The following FXR1 variants were observed in gnomAD, a reference collection of about 807,000 sequenced individuals.
FXR1 encodes FMR1 autosomal homolog 1.
In FXR1, 15 loss-of-function variants were observed where a neutral mutation model predicts 84.0. The observed-to-expected ratio is 0.18, with a 90% CI of 0.12 to 0.27. The LOEUF (loss-of-function observed/expected upper bound fraction) is 0.27, where lower values mean the gene tolerates loss of function less well. FXR1 is among the 10% of genes least tolerant of loss of function. The pLI is 1.00. For synonymous variants in FXR1, 245 were observed against 250.7 expected (o/e 0.98, Z 0.21); for missense variants, 480 against 774.4 (o/e 0.62, Z 4.51).
intron 1 of FXR1, among the ~76,000 whole-genome samples, chr3:180,928,458 C>T (rs1193213426): frequency 6.9e-6 from 1 of 145,092 alleles, no homozygotes; most frequent in East Asian, 2.1e-4. Flanking sequence ...CACATACACA[C>T]TGTTAATATT....
At chr3:180,959,069 G>T (rs753991725) in intron 10 of FXR1, among the ~76,000 whole-genome samples, 2 of 151,836 alleles carry the variant, frequency 1.3e-5, no homozygotes, top group African/African-American at 2.4e-5. Context: ...ACCTCCCAAA[G>T]TGCTGGGATT....
At position 180,982,197 on chromosome 3, in the gene FXR1, C is replaced by G. The variant is rs997829604; in HGVS notation, c.*5905C>G. Reference sequence around the variant, plus strand: ...TAAAATGTACATCATAATAACTAGTCTACTGAGATAAGGGAAGAATACTTA... The same window carrying G: ...TAAAATGTACATCATAATAACTAGTGTACTGAGATAAGGGAAGAATACTTA... On this transcript the variant is annotated 3_prime_UTR_variant, in exon 17 of 17. Coordinates refer to ENST00000357559, the MANE Select transcript of FXR1 (RefSeq NM_005087.4). The G allele has an allele frequency of 1.3e-5, 2 of 152,038 alleles. No individual in the cohort carries two copies. The highest frequency in any genetic ancestry group is 2.9e-5 in the Non-Finnish European group (2 of 67,942). 9.4% of individuals were successfully genotyped at this position (152,038 alleles called of 1,614,324 possible).
At chr3:180,948,180 A>G (rs2108465075) in intron 4 of FXR1, 167 bp from the exon 5 acceptor site, 3 of 630,378 alleles carry the variant, frequency 4.8e-6, no homozygotes, top group East Asian at 2.7e-5. Flanking sequence ...GTAAGAACCT[A>G]TAATCTAGTT....
intron 9 of FXR1, among the ~76,000 whole-genome samples, chr3:180,956,650 G>A (rs1262372397): frequency 6.6e-6 from 1 of 152,004 alleles, no homozygotes; most frequent in Non-Finnish European, 1.5e-5. Flanking sequence ...CTGCTGCTAG[G>A]GCTGCTCAGA....
At chr3:180,930,247 G>C (rs530013682) in intron 1 of FXR1, among the ~76,000 whole-genome samples, 30 of 151,880 alleles carry the variant, frequency 2.0e-4, no homozygotes, top group African/African-American at 6.8e-4. Flanking sequence ...TGGCAACAGA[G>C]TGAGACTCCA....
At chr3:180,915,030 A>T in intron 1 of FXR1, 1 of 525,248 alleles carries the variant, frequency 1.9e-6, no homozygotes, top group Non-Finnish European at 2.4e-6. Context: ...CTAACAATGG[A>T]CCCCTGAACA....
intron 1 of FXR1, among the ~76,000 whole-genome samples, chr3:180,926,460 A>C (rs568630723): frequency 2.1e-5 from 3 of 143,286 alleles, no homozygotes; most frequent in South Asian, 4.4e-4. Flanking sequence ...CCTAATCTCT[A>C]TTTAGGGGGA....
At chr3:180,924,426 A>G (rs1718934142) in intron 1 of FXR1, among the ~76,000 whole-genome samples, 1 of 152,244 alleles carries the variant, frequency 6.6e-6, no homozygotes, top group Admixed American at 6.5e-5. Context: ...GTTAAAAAAG[A>G]TTGTTTGCTG....
chr3:180,917,819 C>T (rs1036863304), intron 1 of FXR1, among the ~76,000 whole-genome samples: 12 of 151,738 alleles, frequency 7.9e-5, no homozygotes, highest in African/African-American at 2.7e-4. Context: ...TGGTGGCACG[C>T]GCCTGTAGTC....
At chr3:180,964,700 T>A (rs868487995) in intron 13 of FXR1, among the ~76,000 whole-genome samples, 22 of 139,804 alleles carry the variant, frequency 1.6e-4, no homozygotes, top group Admixed American at 5.0e-4. Context: ...TATATATATA[T>A]AATGAGTACT....
chr3:180,970,924 A>T (rs556946767), intron 15 of FXR1, among the ~76,000 whole-genome samples: 4 of 152,316 alleles, frequency 2.6e-5, no homozygotes, highest in African/African-American at 9.6e-5. Context: ...AGCTACAAAA[A>T]TGTATTTCCT....
At chr3:180,927,852 C>A in intron 1 of FXR1, 1 of 402,112 alleles carries the variant, frequency 2.5e-6, no homozygotes, top group East Asian at 3.7e-5. Context: ...GATACCTTTT[C>A]CATCAGCTTG....
At chr3:180,942,945 T>C (rs1477159637) in intron 3 of FXR1, among the ~76,000 whole-genome samples, 1 of 152,154 alleles carries the variant, frequency 6.6e-6, no homozygotes, top group African/African-American at 2.4e-5. Context: ...ATTTGATCCA[T>C]AGCACTGTAA....
rs1032535947 is a variant in FXR1, at chr3:180,968,210, G to A, written c.1358G>A (p.Arg453Gln). The A allele has an allele frequency of 1.2e-5, 19 of 1,613,646 alleles. No individual in the cohort carries two copies. The highest frequency in any genetic ancestry group is 1.0e-4 in the Admixed American group (6 of 59,998). Reference sequence around the variant, plus strand: ...AGAGGCAGAAGTGTTTCAGGGGGTCGAGGTCGTGGTGGACCACGTGGTGGC... The same window carrying A: ...AGAGGCAGAAGTGTTTCAGGGGGTCAAGGTCGTGGTGGACCACGTGGTGGC... Reference protein sequence around the residue: ...GGRGRSVSGGRGRGGPRGGKS... With the variant: ...GGRGRSVSGGQGRGGPRGGKS... The change falls in exon 14 of 17, where the codon CGA becomes CAA. Residue 453 changes from arginine (R) to glutamine (Q), a missense_variant. Physicochemically the swap from Arg to Gln is conservative, Grantham distance 43. This residue lies in a region of FXR1 where 157 missense variants were observed against 227.8 expected (regional missense o/e 0.69). Transcript: ENST00000357559.
intron 3 of FXR1, among the ~76,000 whole-genome samples, chr3:180,942,602 C>T (rs1474048936): frequency 2.0e-5 from 3 of 152,030 alleles, no homozygotes; most frequent in Non-Finnish European, 2.9e-5. Context: ...TTATTTCATC[C>T]TGTACTCCAT....
intron 11 of FXR1, among the ~76,000 whole-genome samples, chr3:180,962,066 A>G (rs1933398566): frequency 6.6e-6 from 1 of 152,208 alleles, no homozygotes; most frequent in Non-Finnish European, 1.5e-5. Context: ...GTTGATACAT[A>G]AAGAGCAAGG....
intron 1 of FXR1, among the ~76,000 whole-genome samples, chr3:180,930,240 C>G (rs1719726668): frequency 6.7e-6 from 1 of 149,520 alleles, no homozygotes; most frequent in African/African-American, 2.5e-5. Flanking sequence ...TCCAGCCTGG[C>G]AACAGAGTGA....
intron 1 of FXR1, among the ~76,000 whole-genome samples, chr3:180,921,984 T>G (rs2108427146): frequency 6.6e-6 from 1 of 152,218 alleles, no homozygotes; most frequent in Non-Finnish European, 1.5e-5. Context: ...AAGTATAGGG[T>G]TTTTCAGTAT....
intron 2 of FXR1, 125 bp from the exon 3 acceptor site, chr3:180,935,013 A>G (rs1720356806): frequency 1.8e-6 from 1 of 549,242 alleles, no homozygotes; most frequent in Admixed American, 3.5e-5. Context: ...AATTATTAAT[A>G]GTATGAATGT....
Sources: gnomAD v4.1 joint callset for allele counts (sites outside exome capture counted in the v4.1 genomes callset) on GRCh38, gnomAD v4.1.1 for gene constraint, gnomAD v4.1.1 regional missense constraint, MANE v1.5 for transcripts, NCBI Gene and HGNC (gene_info 2026-07-23, HGNC 2026-07-21) for gene names.